The following NAV2 variants were observed in gnomAD, a reference collection of about 807,000 sequenced individuals.
NAV2 encodes helicase, APC down-regulated 1.
Under a neutral mutation model 223.2 loss-of-function variants are expected in NAV2, and 54 were observed. The ratio of observed to expected loss-of-function variants is 0.24; its 90% CI spans 0.19 to 0.30. NAV2 has a LOEUF of 0.30. Ranked by LOEUF, NAV2 falls within the 10% of genes least tolerant of loss-of-function variation. The pLI is 1.00. For synonymous variants in NAV2, 1,279 were observed against 1,239.3 expected (o/e 1.03, Z -0.67); for missense variants, 2,806 against 3,147.5 (o/e 0.89, Z 2.60).
intron 5 of NAV2, among the ~76,000 whole-genome samples, chr11:19,887,949 GTT>G (rs34601696): frequency 0.12 from 17,624 of 147,746 alleles, 3,234 homozygotes; most frequent in African/African-American, 0.4. Flanking sequence ...GGAAAGAACT[GTT>G]TTTTTTTTTT....
intron 1 of NAV2, chr11:19,351,094 A>G (rs1853280206): frequency 1.4e-6 from 2 of 1,424,470 alleles, no homozygotes; most frequent in Non-Finnish European, 1.9e-6. Context: ...TTCAGAGAGC[A>G]TAGGTGGTCA....
chr11:19,783,188 T>C (rs1649677910), intron 1 of NAV2, among the ~76,000 whole-genome samples: 1 of 152,206 alleles, frequency 6.6e-6, no homozygotes, highest in Admixed American at 6.5e-5. Context: ...GCTTTGCCTA[T>C]TTTTCTAGCA....
At chr11:19,836,519 T>G (rs1054289917) in intron 2 of NAV2, among the ~76,000 whole-genome samples, 3 of 145,090 alleles carry the variant, frequency 2.1e-5, no homozygotes, top group Non-Finnish European at 4.5e-5. Context: ...ATTGCGCCAC[T>G]GCAGTCCGCA....
intron 1 of NAV2, among the ~76,000 whole-genome samples, chr11:19,694,978 C>T (rs1565174093): frequency 2.0e-5 from 3 of 152,202 alleles, no homozygotes; most frequent in Admixed American, 2.0e-4. Flanking sequence ...ATACTCTCTA[C>T]CTCAGTGGCC....
At chr11:19,853,820 G>A (rs192463102) in intron 3 of NAV2, among the ~76,000 whole-genome samples, 1 of 151,556 alleles carries the variant, frequency 6.6e-6, no homozygotes, top group East Asian at 1.9e-4. Flanking sequence ...TTAAATGCCT[G>A]TGTCCCCACT....
intron 1 of NAV2, among the ~76,000 whole-genome samples, chr11:19,507,632 A>G (rs1260648529): frequency 6.6e-6 from 1 of 152,202 alleles, no homozygotes; most frequent in Non-Finnish European, 1.5e-5. Flanking sequence ...AAAATAAAGG[A>G]TGTGAAATGC....
In NAV2 at chr11:20,078,054, C is replaced by T; in HGVS notation, c.5129C>T (p.Ala1710Val). 1 of 1,613,290 alleles carries T rather than the reference C, an allele frequency of 6.2e-7. No individual in the cohort carries two copies. The highest frequency in any genetic ancestry group is 8.5e-7 in the Non-Finnish European group (1 of 1,179,796). The stretch of plus-strand genomic sequence containing the variant: ...CTGCTAAAGAAACAGAACGCAGCTG[C>T]CCAGGCTGCCATTAATGGAGTAATT... The part of the protein sequence containing the change: ...IELLKKQNAA[A>V]QAAINGVINT... Residue 1710 changes from alanine to valine, a missense_variant, in exon 24 of 38, where the codon GCC becomes GTC. This residue lies in a region of NAV2 where 824 missense variants were observed against 1,069.4 expected (regional missense o/e 0.77). Coordinates refer to ENST00000349880, the MANE Select transcript of NAV2 (RefSeq NM_145117.5).
At chr11:19,400,278 C>T in intron 1 of NAV2, among the ~76,000 whole-genome samples, 1 of 152,142 alleles carries the variant, frequency 6.6e-6, no homozygotes, top group Non-Finnish European at 1.5e-5. Context: ...ACATTATCTT[C>T]ATCAATGGAG....
chr11:19,475,908 T>C (rs747183522), intron 1 of NAV2, among the ~76,000 whole-genome samples: 3 of 152,256 alleles, frequency 2.0e-5, no homozygotes, highest in Non-Finnish European at 2.9e-5. Context: ...CTCCAGGCAT[T>C]CCTGTTAGCC....
chr11:19,892,375 C>T, intron 5 of NAV2, 59 bp from the exon 6 acceptor site: 1 of 1,541,316 alleles, frequency 6.5e-7, no homozygotes. Flanking sequence ...GTTCCTTCTT[C>T]CTACACACTG....
chr11:19,726,380 T>C (rs1290105694), intron 1 of NAV2, among the ~76,000 whole-genome samples: 6 of 152,186 alleles, frequency 3.9e-5, no homozygotes, highest in Admixed American at 2.0e-4. Flanking sequence ...TAGAACTATA[T>C]CACAAAGACT....
intron 35 of NAV2, chr11:20,107,147 G>A (rs1157405811): frequency 3.8e-5 from 5 of 130,974 alleles, no homozygotes; most frequent in Non-Finnish European, 7.7e-5. Flanking sequence ...GCGCAATCTC[G>A]GCTCACTGCA....
chr11:20,103,760 G>A, intron 34 of NAV2, 36 bp downstream of exon 34: 1 of 1,589,062 alleles, frequency 6.3e-7, no homozygotes, highest in South Asian at 1.1e-5. Context: ...TTAAACAATG[G>A]AATCACAAAG....
chr11:19,885,309 A>C (rs1366556940), intron 5 of NAV2, among the ~76,000 whole-genome samples: 1 of 152,178 alleles, frequency 6.6e-6, no homozygotes, highest in African/African-American at 2.4e-5. Flanking sequence ...TCTAACTCAG[A>C]ACCTTCACTA....
intron 1 of NAV2, among the ~76,000 whole-genome samples, chr11:19,435,512 A>G (rs962828425): frequency 2.2e-4 from 33 of 152,126 alleles, no homozygotes; most frequent in African/African-American, 7.5e-4. Context: ...TATCTTGGCT[A>G]TTGTGAATAC....
chr11:19,961,297 C>A (rs755293521), intron 10 of NAV2, among the ~76,000 whole-genome samples: 31 of 152,042 alleles, frequency 2.0e-4, no homozygotes, highest in Non-Finnish European at 2.4e-4. Context: ...GTTGAAAATA[C>A]CCTTCCCAGT....
chr11:19,971,846 G>T (rs1014258203), intron 10 of NAV2, among the ~76,000 whole-genome samples: 1 of 152,208 alleles, frequency 6.6e-6, no homozygotes, highest in African/African-American at 2.4e-5. Context: ...GGGATTACAG[G>T]CACGTGCCAC....
rs377013598 is a variant in NAV2 at position 19,962,250 on chromosome 11, A to G, written c.2645+13170A>G. ...ATCAGTCTTTCAAAGCCTTCAACTG[A>G]TTGGATGAGACCCACCTACATTATG... On this transcript the variant is annotated intron_variant, in intron 10 of 37. Transcript: ENST00000349880. 1.1e-4 allele frequency among the ~76,000 whole-genome samples: 17 copies of G among 151,894 alleles called. No individual in the cohort carries two copies. In the East Asian group the frequency reaches 3.2e-3, roughly 29 times the overall value.
intron 11 of NAV2, among the ~76,000 whole-genome samples, chr11:19,994,895 G>T (rs189811467): frequency 2.2e-3 from 335 of 152,330 alleles, no homozygotes; most frequent in Non-Finnish European, 3.8e-3. Flanking sequence ...TTTTGCCAAT[G>T]AGGAAATTGA....
Sources: gnomAD v4.1 joint callset for allele counts (sites outside exome capture counted in the v4.1 genomes callset) on GRCh38, gnomAD v4.1.1 for gene constraint, gnomAD v4.1.1 regional missense constraint, MANE v1.5 for transcripts, NCBI Gene and HGNC (gene_info 2026-07-23, HGNC 2026-07-21) for gene names.